Variants in ARHGEF10 observed in about 807,000 individuals in gnomAD.
The protein encoded by ARHGEF10 is Rho guanine nucleotide exchange factor 10, also known as Rho guanine nucleotide exchange factor (GEF) 10.
Under a neutral mutation model 147.4 loss-of-function variants are expected in ARHGEF10, and 140 were observed. The observed-to-expected ratio is 0.95, with a 90% CI of 0.83 to 1.09. ARHGEF10 has a LOEUF of 1.09. Among genes scored for constraint, ARHGEF10 ranks in the 50% least tolerant of loss-of-function variants. The pLI is 0.00. For missense variants in ARHGEF10, 2,222 were observed against 1,752.7 expected (o/e 1.27, Z -4.78); for synonymous variants, 902 against 695.8 (o/e 1.30, Z -4.67).
At chr8:1,827,206 T>A (rs763529996) in intron 1 of ARHGEF10, among the ~76,000 whole-genome samples, 1 of 152,376 alleles carries the variant, frequency 6.6e-6, no homozygotes, top group African/African-American at 2.4e-5. Context: ...CTGCCACATC[T>A]GCCACCCTAC....
chr8:1,869,458 T>C, intron 7 of ARHGEF10: 1 of 685,032 alleles, frequency 1.5e-6, no homozygotes, highest in East Asian at 2.7e-5. Context: ...ATAGGGCAGT[T>C]TAATCTTACT....
intron 17 of ARHGEF10, among the ~76,000 whole-genome samples, chr8:1,908,822 G>A (rs1811124284): frequency 6.6e-6 from 1 of 152,152 alleles, no homozygotes; most frequent in African/African-American, 2.4e-5. Flanking sequence ...CCGTATACTT[G>A]ATAAATATTT....
chr8:1,952,800 C>A lies in ARHGEF10; in HGVS notation c.3493C>A (p.Arg1165Ser), dbSNP rs745561759. 3 of 1,613,910 alleles carry A rather than the reference C, an allele frequency of 1.9e-6. No homozygotes were observed. In the South Asian group the frequency reaches 3.3e-5, roughly 18 times the overall value. The stretch of plus-strand genomic sequence containing the variant: ...AGTCCTCGTGGCCCTGCCGGTCCCA[C>A]GTCTGCAAGGGATTCCCAAAGTGAC... ...LGVLVALPVP[R>S]LQGIPKVTGR... Residue 1165 changes from arginine to serine, a missense_variant, in exon 28 of 29, where the codon CGT (arginine) becomes AGT (serine). By Grantham distance (110) the Arg-to-Ser change is moderately radical. Transcript: ENST00000349830.
chr8:1,884,053 T>C (rs756684564), intron 10 of ARHGEF10, among the ~76,000 whole-genome samples: 3 of 152,122 alleles, frequency 2.0e-5, no homozygotes, highest in African/African-American at 4.8e-5. Flanking sequence ...GTCTCTGGTT[T>C]AGGGGTACTC....
In ARHGEF10 at chr8:1,925,377, G is replaced by C. The variant is rs141164534; in HGVS notation, c.2583G>C (p.Val861=). The change falls in exon 22 of 29, where the codon GTG becomes GTC. Residue 861 remains valine (V), a synonymous_variant. Coordinates refer to ENST00000349830, the MANE Select transcript of ARHGEF10 (RefSeq NM_014629.4). Reference sequence around the variant, plus strand: ...CTCTCCTCGTCGGACACATGCCCGTGATGGTGGCCAAGCAGCAGGAGTTCA... The same window carrying C: ...CTCTCCTCGTCGGACACATGCCCGTCATGGTGGCCAAGCAGCAGGAGTTCA... ...KHPLLVGHMP[V]MVAKQQEFKI... is the part of the protein sequence containing the mutation. 1.7e-5 allele frequency: 27 copies of C among 1,614,062 alleles called. No individual in the cohort carries two copies. The highest frequency in any genetic ancestry group is 1.6e-5 in the Non-Finnish European group (19 of 1,180,048).
intron 1 of ARHGEF10, among the ~76,000 whole-genome samples, chr8:1,837,842 G>C (rs74939507): frequency 0.057 from 8,670 of 152,202 alleles, 371 homozygotes; most frequent in African/African-American, 0.11. Context: ...TGTTTCTTCA[G>C]CAGTTGAGAA....
At chr8:1,826,917 A>G (rs2129029777) in intron 1 of ARHGEF10, among the ~76,000 whole-genome samples, 1 of 152,374 alleles carries the variant, frequency 6.6e-6, no homozygotes, top group South Asian at 2.1e-4. Context: ...GGAGAACTTC[A>G]GCTCTCTCCC....
intron 25 of ARHGEF10, among the ~76,000 whole-genome samples, chr8:1,931,185 C>A (rs921170949): frequency 3.1e-4 from 47 of 152,376 alleles, no homozygotes; most frequent in African/African-American, 1.0e-3. Context: ...AGCCGCCTCC[C>A]TGCTGCCTGT....
chr8:1,896,850 C>T (rs1031451189), intron 14 of ARHGEF10, among the ~76,000 whole-genome samples: 1 of 152,202 alleles, frequency 6.6e-6, no homozygotes, highest in Non-Finnish European at 1.5e-5. Flanking sequence ...GGAGCGGGCC[C>T]TACCCGAGGG....
rs145017140 is a variant in ARHGEF10 at position 1,853,467 on chromosome 8, C to G, written c.38-4493C>G. Among the ~76,000 whole-genome samples the G allele has an allele frequency of 4.4e-3, 670 of 152,324 alleles. 7 individuals are homozygous for G. The highest frequency in any genetic ancestry group is 0.038 in the East Asian group (196 of 5,184). On this transcript the variant is annotated intron_variant, in intron 2 of 28. Coordinates refer to ENST00000349830, the MANE Select transcript of ARHGEF10 (RefSeq NM_014629.4). ...TATCTCCTGAGATGCTTTCAGCAGC[C>G]CTTGAGCATCTTTTCTAGTTTGCAA...
intron 18 of ARHGEF10, among the ~76,000 whole-genome samples, chr8:1,922,311 T>C (rs1168390335): frequency 6.6e-6 from 1 of 151,860 alleles, no homozygotes; most frequent in Non-Finnish European, 1.5e-5. Context: ...GGGGAACTCA[T>C]TTTCATGGTA....
At chr8:1,950,101 A>G (rs1467180168) in intron 27 of ARHGEF10, among the ~76,000 whole-genome samples, 1 of 152,006 alleles carries the variant, frequency 6.6e-6, no homozygotes, top group Non-Finnish European at 1.5e-5. Context: ...GTCCCACTTC[A>G]CACGTGTAAC....
intron 27 of ARHGEF10, among the ~76,000 whole-genome samples, chr8:1,947,937 TCC>T (rs1814728288): frequency 6.6e-6 from 1 of 151,942 alleles, no homozygotes; most frequent in Non-Finnish European, 1.5e-5. Context: ...CCCAACACAG[TCC>T]TGCACCCACC....
rs1192724812 is a variant in ARHGEF10 at position 1,958,538 on chromosome 8, T to C, written c.*1275T>C. The C allele has an allele frequency of 5.9e-5, 9 of 152,262 alleles. No individual in the cohort carries two copies. Among genetic ancestry groups the C allele is most frequent in the African/African-American group, 2.2e-4 (9 of 41,474 alleles). 9.4% of individuals were successfully genotyped at this position (152,262 alleles called of 1,614,324 possible). On this transcript the variant is annotated 3_prime_UTR_variant, in exon 29 of 29. Transcript: ENST00000349830. ...TTTTATGACTTAGCCAAATATGTTC[T>C]AGGTTGCATATATCCCCCATGTGAA...
chr8:1,920,153 C>G (rs148719411), intron 18 of ARHGEF10, among the ~76,000 whole-genome samples: 22 of 150,938 alleles, frequency 1.5e-4, no homozygotes, highest in African/African-American at 4.1e-4. Flanking sequence ...AGTTCTCCCT[C>G]AGGCTTACTG....
At chr8:1,865,433 CA>C (rs1186359778) in intron 5 of ARHGEF10, among the ~76,000 whole-genome samples, 1 of 151,876 alleles carries the variant, frequency 6.6e-6, no homozygotes, top group Non-Finnish European at 1.5e-5. Flanking sequence ...CCCCAGCACC[CA>C]GGGGGCCATC....
At chr8:1,917,724 T>A (rs963728426) in intron 18 of ARHGEF10, among the ~76,000 whole-genome samples, 2 of 152,118 alleles carry the variant, frequency 1.3e-5, no homozygotes, top group African/African-American at 2.4e-5. Context: ...GGGCTGGAAG[T>A]CAACTCTAAC....
Position 1,893,564 on chromosome 8 carries a change from A to G in ARHGEF10, c.1183-5A>G, listed in dbSNP as rs375035082. The G allele has an allele frequency of 2.8e-5, 45 of 1,609,742 alleles. No individual in the cohort carries two copies. In the African/African-American group the frequency reaches 5.9e-4, roughly 21 times the overall value. On this transcript the variant is annotated splice_polypyrimidine_tract_variant and splice_region_variant and intron_variant, in intron 11 of 28. Transcript: ENST00000349830. ...TCTATCATTGTACTTCCAAATTTCC[A>G]ACAGGTTGTAAGAAGATATATACTG...
At chr8:1,922,362 C>T (rs1000172748) in intron 18 of ARHGEF10, among the ~76,000 whole-genome samples, 1 of 151,722 alleles carries the variant, frequency 6.6e-6, no homozygotes, top group Non-Finnish European at 1.5e-5. Flanking sequence ...GATTAAATGT[C>T]ATTTCTAAGT....
Sources: allele counts gnomAD v4.1 joint callset (sites outside exome capture counted in the v4.1 genomes callset), GRCh38; gene constraint gnomAD v4.1.1; transcripts MANE v1.5; gene names NCBI Gene and HGNC (gene_info 2026-07-23, HGNC 2026-07-21).